The following MACROD2 variants were observed in gnomAD, a reference collection of about 807,000 sequenced individuals.
The protein encoded by MACROD2 is ADP-ribose glycohydrolase MACROD2.
MACROD2 carries 36 observed loss-of-function variants against 70.4 expected under a neutral mutation model. That is an observed-to-expected ratio of 0.51 (90% CI 0.39 to 0.68). The LOEUF is 0.68. Among genes scored for constraint, MACROD2 ranks in the 30% least tolerant of loss-of-function variants. MACROD2 has a pLI of 0.00. For synonymous variants in MACROD2, 172 were observed against 178.8 expected, an observed-to-expected ratio of 0.96 and a Z score of 0.30; for missense variants, 496 against 538.4, an observed-to-expected ratio of 0.92 and a Z score of 0.78.
At chr20:14,552,717 G>C (rs1244885138) in intron 4 of MACROD2, among the ~76,000 whole-genome samples, 1 of 152,078 alleles carries the variant, frequency 6.6e-6, no homozygotes, top group Non-Finnish European at 1.5e-5. Flanking sequence ...AGTGAATACT[G>C]TAGGCAATTG....
intron 6 of MACROD2, among the ~76,000 whole-genome samples, chr20:15,314,111 A>G (rs1228956075): frequency 6.6e-6 from 1 of 152,172 alleles, no homozygotes; most frequent in African/African-American, 2.4e-5. Context: ...GTCCTGTTGA[A>G]ATTTACATGG....
intron 3 of MACROD2, among the ~76,000 whole-genome samples, chr20:14,420,224 C>A (rs2083859609): frequency 6.6e-6 from 1 of 151,312 alleles, no homozygotes; most frequent in Non-Finnish European, 1.5e-5. Flanking sequence ...CTAGCAATAC[C>A]ACTCATATGA....
chr20:14,666,872 CATT>C (rs1052213710), intron 4 of MACROD2, among the ~76,000 whole-genome samples: 7 of 151,768 alleles, frequency 4.6e-5, no homozygotes, highest in African/African-American at 1.7e-4. Flanking sequence ...CTTTTTATCG[CATT>C]ATAACTCTTT....
chr20:15,364,301 G>C (rs2146250721), intron 6 of MACROD2, among the ~76,000 whole-genome samples: 1 of 152,304 alleles, frequency 6.6e-6, no homozygotes, highest in South Asian at 2.1e-4. Flanking sequence ...TAAAGGCCTT[G>C]TGTGTATTGG....
chr20:15,307,637 T>C (rs1293281918), intron 6 of MACROD2, among the ~76,000 whole-genome samples: 1 of 152,202 alleles, frequency 6.6e-6, no homozygotes, highest in Non-Finnish European at 1.5e-5. Flanking sequence ...CACTCTCATA[T>C]ATAACTGTAG....
chr20:14,263,717 T>C (rs142581676), intron 3 of MACROD2, among the ~76,000 whole-genome samples: 1 of 152,004 alleles, frequency 6.6e-6, no homozygotes, highest in East Asian at 1.9e-4. Context: ...TCGCAGCACT[T>C]TGGGAGGCCA....
rs188937658 is a variant in MACROD2, at chr20:15,609,244, G to A, written c.645+109397G>A. On this transcript the variant is annotated intron_variant, in intron 8 of 17. Transcript: ENST00000684519. ...CAGAGGGAAGGAAAGAGAGAAAGTC[G>A]ATAGGGAAGGTGAGAGAAGGAAGAA... 1.9e-3 allele frequency among the ~76,000 whole-genome samples: 290 copies of A among 152,312 alleles called. 2 individuals carry two copies. Among genetic ancestry groups the A allele is most frequent in the African/African-American group, 6.7e-3 (277 of 41,564 alleles).
At chr20:15,587,100 G>T (rs1365554586) in intron 8 of MACROD2, among the ~76,000 whole-genome samples, 1 of 152,134 alleles carries the variant, frequency 6.6e-6, no homozygotes, top group Non-Finnish European at 1.5e-5. Context: ...TGAAGAAAAC[G>T]TTTAATTGGA....
chr20:14,430,300 T>C (rs561289816), intron 3 of MACROD2, among the ~76,000 whole-genome samples: 4 of 152,084 alleles, frequency 2.6e-5, no homozygotes, highest in Non-Finnish European at 5.9e-5. Context: ...TGCTTCCACA[T>C]AGTGACTTGA....
chr20:14,789,427 C>G (rs962590041), intron 5 of MACROD2, among the ~76,000 whole-genome samples: 2 of 130,398 alleles, frequency 1.5e-5, no homozygotes. Flanking sequence ...AAATAAATTC[C>G]TTTTAATCTT....
chr20:14,135,732 A>C (rs1485422610), intron 3 of MACROD2, among the ~76,000 whole-genome samples: 1 of 152,170 alleles, frequency 6.6e-6, no homozygotes, highest in Non-Finnish European at 1.5e-5. Context: ...TGGTTGACAA[A>C]ATTCACTATT....
chr20:14,993,106 C>T (rs1461203904), intron 5 of MACROD2, among the ~76,000 whole-genome samples: 4 of 152,074 alleles, frequency 2.6e-5, no homozygotes, highest in African/African-American at 9.7e-5. Context: ...CTGTTTCTTT[C>T]CTGGAGTCCA....
At chr20:15,124,091 GTCT>G (rs2076049296) in intron 5 of MACROD2, among the ~76,000 whole-genome samples, 1 of 151,814 alleles carries the variant, frequency 6.6e-6, no homozygotes, top group African/African-American at 2.4e-5. Flanking sequence ...TCATTAAATT[GTCT>G]TCTTATTTCA....
At chr20:14,096,364 C>CTTTT (rs71335950) in intron 3 of MACROD2, among the ~76,000 whole-genome samples, 9 of 118,092 alleles carry the variant, frequency 7.6e-5, no homozygotes, top group Admixed American at 1.8e-4. Context: ...GTTATTTTAC[C>CTTTT]TTTTTTTTTT....
At chr20:14,770,724 A>G (rs1395970224) in intron 5 of MACROD2, among the ~76,000 whole-genome samples, 2 of 152,066 alleles carry the variant, frequency 1.3e-5, no homozygotes, top group Non-Finnish European at 2.9e-5. Context: ...ACAATATCCT[A>G]TAAGGCAGGT....
chr20:16,012,174 G>A lies in MACROD2; in HGVS notation c.1153+25016G>A, dbSNP rs73898326. Among the ~76,000 whole-genome samples, 904 of 152,326 alleles carry A rather than the reference G, an allele frequency of 5.9e-3. 11 individuals are homozygous for A. Among genetic ancestry groups the A allele is most frequent in the African/African-American group, 0.021 (877 of 41,582 alleles). ...AGCACACATGTTCCAAATCCCAAAT[G>A]AGAAGTGGGCACAAAGCCCCTTCTC... On this transcript the variant is annotated intron_variant, in intron 15 of 17. Transcript: ENST00000684519.
At chr20:14,463,143 G>A (rs1448095725) in intron 3 of MACROD2, among the ~76,000 whole-genome samples, 3 of 151,424 alleles carry the variant, frequency 2.0e-5, no homozygotes, top group East Asian at 1.9e-4. Context: ...CCATTTTCAC[G>A]CTATTGATTC....
At chr20:15,282,402 C>T (rs573657122) in intron 6 of MACROD2, among the ~76,000 whole-genome samples, 1 of 152,330 alleles carries the variant, frequency 6.6e-6, no homozygotes, top group South Asian at 2.1e-4. Context: ...ACATAAGTTC[C>T]AATTCCAAAC....
intron 12 of MACROD2, among the ~76,000 whole-genome samples, chr20:15,958,439 T>C (rs1395644254): frequency 6.6e-6 from 1 of 152,184 alleles, no homozygotes; most frequent in East Asian, 1.9e-4. Context: ...ATCCGTGCTA[T>C]ACAAACACTG....
Sources: gnomAD v4.1 joint callset for allele counts (sites outside exome capture counted in the v4.1 genomes callset) on GRCh38, gnomAD v4.1.1 for gene constraint, MANE v1.5 for transcripts, NCBI Gene and HGNC (gene_info 2026-07-23, HGNC 2026-07-21) for gene names.